The following ADARB1 variants were observed in gnomAD, a reference collection of about 807,000 sequenced individuals.
ADARB1 encodes double-stranded RNA-specific editase 1.
A neutral mutation model predicts 52.4 loss-of-function variants in ADARB1; 10 were observed. That is an observed-to-expected ratio of 0.19 (90% CI 0.12 to 0.32). ADARB1 has a LOEUF of 0.32. Among genes scored for constraint, ADARB1 ranks in the 10% least tolerant of loss-of-function variants. ADARB1 has a pLI of 1.00. For missense variants in ADARB1, 643 were observed against 922.3 expected, an observed-to-expected ratio of 0.70 and a Z score of 3.92; for synonymous variants, 349 against 371.1, an observed-to-expected ratio of 0.94 and a Z score of 0.68.
intron 8 of ADARB1, among the ~76,000 whole-genome samples, chr21:45,199,511 C>A (rs1475901878): frequency 2.0e-5 from 3 of 152,160 alleles, no homozygotes; most frequent in Non-Finnish European, 4.4e-5. Flanking sequence ...GACAAAGTAG[C>A]CAACGACCAG....
At chr21:45,207,345 C>G (rs560214611) in intron 9 of ADARB1, among the ~76,000 whole-genome samples, 3 of 152,150 alleles carry the variant, frequency 2.0e-5, no homozygotes, top group African/African-American at 7.2e-5. Context: ...CACCTTTAGA[C>G]GAGGACTCCT....
chr21:45,215,195 A>G lies in ADARB1; in HGVS notation c.1748-5641A>G, dbSNP rs546964231. 2.6e-5 allele frequency among the ~76,000 whole-genome samples: 4 copies of G among 152,184 alleles called. No individual in the cohort carries two copies. In the East Asian group the frequency reaches 7.7e-4, roughly 29 times the overall value. ...CCTGAGTAGCTGGGACTACAGGTGC[A>G]TGCCACCATGCCTGGTTCATTTTTA... On this transcript the variant is annotated intron_variant, in intron 9 of 10. Transcript: ENST00000348831.
At chr21:45,171,579 C>A in intron 2 of ADARB1, 31 bp from the exon 3 acceptor site, 1 of 1,376,348 alleles carries the variant, frequency 7.3e-7, no homozygotes, top group Non-Finnish European at 1.0e-6. Context: ...GTCATAGGCA[C>A]ACTAAATGCT....
chr21:45,166,034 A>G (rs552492197), intron 2 of ADARB1, among the ~76,000 whole-genome samples: 1 of 152,310 alleles, frequency 6.6e-6, no homozygotes, highest in Non-Finnish European at 1.5e-5. Context: ...CCTAAAGATG[A>G]CATTTTTTAC....
chr21:45,190,549 C>A (rs552560464), intron 8 of ADARB1, among the ~76,000 whole-genome samples: 4 of 152,182 alleles, frequency 2.6e-5, no homozygotes, highest in African/African-American at 4.8e-5. Flanking sequence ...AATATTTGGG[C>A]ATTTGAAAAA....
chr21:45,108,575 C>G (rs985137693), intron 1 of ADARB1, among the ~76,000 whole-genome samples: 1 of 152,174 alleles, frequency 6.6e-6, no homozygotes, highest in Non-Finnish European at 1.5e-5. Flanking sequence ...TGCCAGGATG[C>G]CCCCGCTCTA....
At chr21:45,121,414 G>C (rs2088178498) in intron 1 of ADARB1, among the ~76,000 whole-genome samples, 1 of 152,192 alleles carries the variant, frequency 6.6e-6, no homozygotes, top group Non-Finnish European at 1.5e-5. Flanking sequence ...ATCTCATCCT[G>C]CTCCACTACT....
intron 2 of ADARB1, among the ~76,000 whole-genome samples, chr21:45,141,866 T>G (rs1373667817): frequency 6.6e-6 from 1 of 151,864 alleles, no homozygotes; most frequent in Admixed American, 6.6e-5. Flanking sequence ...AGGGTCTCCT[T>G]AGCCATCCCA....
chr21:45,099,794 C>T (rs1489803481), intron 1 of ADARB1, among the ~76,000 whole-genome samples: 1 of 152,156 alleles, frequency 6.6e-6, no homozygotes, highest in Non-Finnish European at 1.5e-5. Flanking sequence ...CTGGCTGGAT[C>T]TGGAGTTTCT....
At position 45,105,395 on chromosome 21, in the gene ADARB1, C is replaced by T. The variant is rs12482351; in HGVS notation, c.-219-23007C>T. Among the ~76,000 whole-genome samples, 479 of 152,302 alleles carry T rather than the reference C, an allele frequency of 3.1e-3. 4 individuals carry two copies. Among genetic ancestry groups the T allele is most frequent in the Middle Eastern group, 0.014 (4 of 294 alleles). On this transcript the variant is annotated intron_variant, in intron 1 of 10. Transcript: ENST00000348831. ...GGGATTATAGGCATGAGCCACTGCA[C>T]CCGGCCTGCTTCTTTGTATTTTAAT... is the stretch of plus-strand genomic sequence containing the variant.
In ADARB1 at chr21:45,223,134, A is replaced by C. The variant is rs1042332852; in HGVS notation, c.*937A>C. ...AAGTTCCCTCTGTTCCTTCCTCTGA[A>C]TCGAATGGATGTGGGTGACCGCCCG... On this transcript the variant is annotated 3_prime_UTR_variant, in exon 11 of 11. Transcript: ENST00000348831. 3.0e-6 allele frequency: 3 copies of C among 985,320 alleles called. No homozygotes were observed. In the Admixed American group the frequency reaches 1.8e-4, roughly 61 times the overall value. 61.0% of individuals were successfully genotyped at this position (985,320 alleles called of 1,614,324 possible). A position where few individuals can be genotyped will look rare whatever the true frequency, so the allele number is the denominator to read the frequency against.
intron 1 of ADARB1, among the ~76,000 whole-genome samples, chr21:45,087,806 G>C (rs573560693): frequency 1.3e-5 from 2 of 152,202 alleles, no homozygotes; most frequent in African/African-American, 4.8e-5. Context: ...CACAGCAAAG[G>C]GGGTGGAAAG....
chr21:45,131,849 C>T (rs919891119), intron 2 of ADARB1, among the ~76,000 whole-genome samples: 23 of 152,210 alleles, frequency 1.5e-4, no homozygotes, highest in Non-Finnish European at 1.3e-4. Flanking sequence ...CCTGGGGTGT[C>T]CTGTGTGCTG....
chr21:45,079,262 T>A (rs910744717), intron 1 of ADARB1, among the ~76,000 whole-genome samples: 1 of 152,266 alleles, frequency 6.6e-6, no homozygotes, highest in African/African-American at 2.4e-5. Flanking sequence ...CAATGCTTTC[T>A]TGTTACCCAG....
At chr21:45,190,402 G>T (rs185173613) in intron 8 of ADARB1, among the ~76,000 whole-genome samples, 1 of 152,236 alleles carries the variant, frequency 6.6e-6, no homozygotes, top group East Asian at 1.9e-4. Flanking sequence ...CTTTATGACA[G>T]ATATTTTAAA....
At chr21:45,082,776 C>T (rs1214759323) in intron 1 of ADARB1, among the ~76,000 whole-genome samples, 3 of 152,224 alleles carry the variant, frequency 2.0e-5, no homozygotes, top group Non-Finnish European at 4.4e-5. Flanking sequence ...TTACTGATAA[C>T]ACTGGCCTGG....
At chr21:45,148,964 C>T (rs2090146903) in intron 2 of ADARB1, among the ~76,000 whole-genome samples, 1 of 152,240 alleles carries the variant, frequency 6.6e-6, no homozygotes, top group African/African-American at 2.4e-5. Context: ...CCCACATAAT[C>T]AGTCCACCTT....
At chr21:45,075,833 C>T (rs1001497837) in intron 1 of ADARB1, among the ~76,000 whole-genome samples, 6 of 152,230 alleles carry the variant, frequency 3.9e-5, no homozygotes, top group African/African-American at 1.4e-4. Context: ...AGGCATTTTA[C>T]TTCCTTCTTA....
At chr21:45,093,476 T>A (rs982683205) in intron 1 of ADARB1, among the ~76,000 whole-genome samples, 1 of 152,248 alleles carries the variant, frequency 6.6e-6, no homozygotes, top group Non-Finnish European at 1.5e-5. Flanking sequence ...CCGAGCCCTC[T>A]GGGCCACACA....
Sources: allele counts gnomAD v4.1 joint callset (sites outside exome capture counted in the v4.1 genomes callset), GRCh38; gene constraint gnomAD v4.1.1; transcripts MANE v1.5; gene names NCBI Gene and HGNC (gene_info 2026-07-23, HGNC 2026-07-21).